SDK1: variants seen among roughly 807,000 people sequenced by gnomAD.
The protein encoded by SDK1 is protein sidekick-1.
In SDK1, 157 loss-of-function variants were observed where a neutral mutation model predicts 245.5. That is an observed-to-expected ratio of 0.64 (90% CI 0.56 to 0.73). The LOEUF is 0.73. SDK1 is among the 30% of genes least tolerant of loss of function. The pLI, the probability that SDK1 is intolerant of heterozygous loss-of-function variation, is 0.00. For missense variants in SDK1, 3,583 were observed against 3,002.3 expected (o/e 1.19, Z -4.52); for synonymous variants, 1,647 against 1,278.5 (o/e 1.29, Z -6.15).
chr7:3,724,799 T>G (rs553995511), intron 4 of SDK1, among the ~76,000 whole-genome samples: 3 of 152,148 alleles, frequency 2.0e-5, no homozygotes, highest in Non-Finnish European at 4.4e-5. Context: ...ACCTACCTCT[T>G]ACAACCCTGG....
intron 1 of SDK1, among the ~76,000 whole-genome samples, chr7:3,618,316 C>T (rs564156592): frequency 3.3e-5 from 5 of 152,308 alleles, no homozygotes; most frequent in African/African-American, 1.2e-4. Flanking sequence ...CTATCCCATC[C>T]CTCAGAGGTA....
chr7:3,983,527 G>A (rs1390762677), intron 13 of SDK1, among the ~76,000 whole-genome samples: 1 of 152,164 alleles, frequency 6.6e-6, no homozygotes, highest in African/African-American at 2.4e-5. Context: ...TAGACATAAT[G>A]CTATTGCACA....
chr7:3,763,666 A>T (rs908959454), intron 4 of SDK1, among the ~76,000 whole-genome samples: 2 of 152,212 alleles, frequency 1.3e-5, no homozygotes, highest in Admixed American at 6.5e-5. Context: ...TATTTTTATT[A>T]TTCCTTTCAC....
At chr7:3,949,680 G>C (rs1297725241) in intron 5 of SDK1, among the ~76,000 whole-genome samples, 1 of 152,206 alleles carries the variant, frequency 6.6e-6, no homozygotes, top group African/African-American at 2.4e-5. Flanking sequence ...CAGTAGTAAA[G>C]TGTACTGTGG....
At chr7:4,062,419 T>G (rs1382362921) in intron 19 of SDK1, among the ~76,000 whole-genome samples, 1 of 151,960 alleles carries the variant, frequency 6.6e-6, no homozygotes, top group Non-Finnish European at 1.5e-5. Context: ...GAAAGAAACA[T>G]AAAATCTGAA....
chr7:3,729,844 C>A (rs559437083), intron 4 of SDK1, among the ~76,000 whole-genome samples: 2 of 151,578 alleles, frequency 1.3e-5, no homozygotes, highest in East Asian at 3.9e-4. Flanking sequence ...CCTCGGTTCT[C>A]GGCCTTTTGG....
intron 40 of SDK1, among the ~76,000 whole-genome samples, chr7:4,228,851 C>T (rs2128234648): frequency 6.6e-6 from 1 of 152,284 alleles, no homozygotes; most frequent in East Asian, 1.9e-4. Flanking sequence ...GCTTTTCCTA[C>T]AACGGCAACA....
intron 5 of SDK1, among the ~76,000 whole-genome samples, chr7:3,837,073 C>T (rs1780044019): frequency 6.6e-6 from 1 of 152,182 alleles, no homozygotes; most frequent in African/African-American, 2.4e-5. Flanking sequence ...CTCATTTAAC[C>T]TGAGTCACTT....
rs74658965 is a variant in SDK1, at chr7:3,358,963, C to G, written c.298+57079C>G. Among the ~76,000 whole-genome samples, 1,021 of 152,248 alleles carry G rather than the reference C, an allele frequency of 6.7e-3. 12 individuals are homozygous for G. Among genetic ancestry groups the G allele is most frequent in the South Asian group, 0.017 (82 of 4,818 alleles). On this transcript the variant is annotated intron_variant, in intron 1 of 44. Coordinates refer to ENST00000404826, the MANE Select transcript of SDK1 (RefSeq NM_152744.4). ...GGTGCAGTTTTTTTCCCAAGAATAT[C>G]TTAATCACAGCCCTGGTTTTTAGTC...
chr7:4,017,339 C>T lies in SDK1; in HGVS notation c.2589C>T (p.Tyr863=), dbSNP rs747741553. ...LGVFSRAVTE[Y]TLQGVPTAPP... ...TCTTCAGCAGGGCAGTGACCGAGTA[C>T]ACCTTGCAGGGAGGTAAGCTTGTCT... Residue 863 remains tyrosine (Y), a synonymous_variant, in exon 17 of 45, where the codon TAC becomes TAT. Coordinates refer to ENST00000404826, the MANE Select transcript of SDK1 (RefSeq NM_152744.4). 1.9e-6 allele frequency: 3 copies of T among 1,610,758 alleles called. No homozygotes were observed. The African/African-American group carries it at 4.0e-5, about 21-fold the overall frequency.
chr7:3,569,011 T>G (rs1780017908), intron 1 of SDK1, among the ~76,000 whole-genome samples: 1 of 151,792 alleles, frequency 6.6e-6, no homozygotes. Context: ...CATATGTTTT[T>G]TTTTTTTTTC....
In SDK1 at chr7:3,969,353, C is replaced by T. The variant is rs375140636; in HGVS notation, c.1643C>T (p.Ala548Val). 57 of 1,611,424 alleles carry T rather than the reference C, an allele frequency of 3.5e-5. No individual in the cohort carries two copies. The African/African-American group carries it at 6.7e-4, about 19-fold the overall frequency. ...LQIAPVFIQD[A>V]GNYTCYAANT... The stretch of plus-strand genomic sequence containing the variant: ...ATCGCGCCCGTCTTCATCCAGGATG[C>T]CGGCAACTACACCTGCTATGCGGCC... The change falls in exon 11 of 45, where the codon GCC becomes GTC. Residue 548 changes from alanine to valine, a missense_variant. Ala to Val is a moderately conservative substitution (Grantham distance 64, BLOSUM62 0). Coordinates refer to ENST00000404826, the MANE Select transcript of SDK1 (RefSeq NM_152744.4).
chr7:3,850,972 C>T (rs113523637), intron 5 of SDK1, among the ~76,000 whole-genome samples: 12 of 152,058 alleles, frequency 7.9e-5, no homozygotes, highest in South Asian at 2.1e-4. Flanking sequence ...CAAACCTGCA[C>T]GTTGTGCAAG....
chr7:4,207,254 A>G (rs1025644799), intron 36 of SDK1, among the ~76,000 whole-genome samples: 1 of 152,162 alleles, frequency 6.6e-6, no homozygotes, highest in Non-Finnish European at 1.5e-5. Flanking sequence ...GCCTTTTCAC[A>G]TGGGCAAGCC....
intron 1 of SDK1, among the ~76,000 whole-genome samples, chr7:3,482,081 C>G (rs1345745844): frequency 6.6e-6 from 1 of 152,014 alleles, no homozygotes; most frequent in Non-Finnish European, 1.5e-5. Flanking sequence ...AAGTAAAGTT[C>G]AGGGACATAT....
intron 5 of SDK1, among the ~76,000 whole-genome samples, chr7:3,887,552 T>C (rs1002115384): frequency 1.3e-5 from 2 of 152,214 alleles, no homozygotes; most frequent in African/African-American, 4.8e-5. Context: ...AATTGCTCAT[T>C]AATTCCTCAG....
At chr7:3,441,486 A>T (rs888734186) in intron 1 of SDK1, among the ~76,000 whole-genome samples, 1 of 152,134 alleles carries the variant, frequency 6.6e-6, no homozygotes, top group Non-Finnish European at 1.5e-5. Context: ...CCTTCACTGA[A>T]TTGCCTATTC....
intron 43 of SDK1, 73 bp from the exon 44 acceptor site, chr7:4,245,603 G>A: frequency 2.6e-6 from 4 of 1,553,228 alleles, no homozygotes; most frequent in Non-Finnish European, 3.5e-6. Flanking sequence ...AAGGCCAAAT[G>A]CCAGGTTAGG....
At chr7:3,871,180 G>A (rs2115133818) in intron 5 of SDK1, among the ~76,000 whole-genome samples, 1 of 151,984 alleles carries the variant, frequency 6.6e-6, no homozygotes. Flanking sequence ...AGTGTAAATG[G>A]TAGTTTTGGG....
Sources: gnomAD v4.1 joint callset for allele counts (sites outside exome capture counted in the v4.1 genomes callset) on GRCh38, gnomAD v4.1.1 for gene constraint, MANE v1.5 for transcripts, NCBI Gene and HGNC (gene_info 2026-07-23, HGNC 2026-07-21) for gene names.